SH3PXD2B: variants seen among roughly 807,000 people sequenced by gnomAD.
The protein encoded by SH3PXD2B is SH3 and PX domain-containing protein 2B.
A neutral mutation model predicts 73.1 loss-of-function variants in SH3PXD2B; 37 were observed. The observed-to-expected ratio is 0.51, with a 90% CI of 0.39 to 0.67. The LOEUF (loss-of-function observed/expected upper bound fraction) is 0.67. SH3PXD2B is among the 30% of genes least tolerant of loss of function. The probability of loss-of-function intolerance (pLI) is 0.00; values close to 1 mark genes in which losing one functional copy is unlikely to be tolerated. For missense variants in SH3PXD2B, 1,053 were observed against 1,197.8 expected (o/e 0.88, Z 1.78); for synonymous variants, 457 against 480.5 (o/e 0.95, Z 0.64).
chr5:172,431,313 T>A (rs940003899), intron 1 of SH3PXD2B, among the ~76,000 whole-genome samples: 4 of 152,240 alleles, frequency 2.6e-5, no homozygotes, highest in Admixed American at 2.6e-4. Context: ...CCAGAAGAGC[T>A]GCAACCCGGA....
intron 3 of SH3PXD2B, among the ~76,000 whole-genome samples, chr5:172,400,005 C>A (rs116190170): frequency 0.061 from 9,240 of 152,190 alleles, 421 homozygotes; most frequent in African/African-American, 0.13. Flanking sequence ...TTAATGTTAC[C>A]ACGGGTGATA....
chr5:172,408,934 CATA>C (rs1452332052), intron 2 of SH3PXD2B, among the ~76,000 whole-genome samples: 5 of 152,108 alleles, frequency 3.3e-5, no homozygotes, highest in African/African-American at 1.2e-4. Context: ...TGTTGATTCA[CATA>C]ATATGTAGTG....
At chr5:172,409,614 C>T (rs1303411519) in intron 2 of SH3PXD2B, among the ~76,000 whole-genome samples, 1 of 152,170 alleles carries the variant, frequency 6.6e-6, no homozygotes, top group Non-Finnish European at 1.5e-5. Flanking sequence ...ATAATGTCCT[C>T]CAGTGGCATC....
chr5:172,373,418 C>T (rs921503551), intron 6 of SH3PXD2B, among the ~76,000 whole-genome samples: 6 of 152,202 alleles, frequency 3.9e-5, no homozygotes, highest in African/African-American at 7.2e-5. Flanking sequence ...ATTTAACTCC[C>T]GATAGCATGG....
At chr5:172,357,655 C>A (rs1191046693) in intron 8 of SH3PXD2B, among the ~76,000 whole-genome samples, 1 of 152,144 alleles carries the variant, frequency 6.6e-6, no homozygotes, top group Admixed American at 6.5e-5. Flanking sequence ...CCATGCACTA[C>A]ATCACGACCC....
chr5:172,438,785 T>C (rs1390366151), intron 1 of SH3PXD2B, among the ~76,000 whole-genome samples: 2 of 152,114 alleles, frequency 1.3e-5, no homozygotes, highest in Non-Finnish European at 2.9e-5. Context: ...CTTTGAGGTG[T>C]TGGAACTGTT....
chr5:172,404,163 G>A (rs1013328677), intron 3 of SH3PXD2B, among the ~76,000 whole-genome samples: 17 of 152,244 alleles, frequency 1.1e-4, no homozygotes, highest in East Asian at 7.7e-4. Context: ...AAACACATGC[G>A]CCCTGTCTCT....
chr5:172,383,577 G>A (rs547753999), intron 4 of SH3PXD2B, among the ~76,000 whole-genome samples: 2 of 152,238 alleles, frequency 1.3e-5, no homozygotes, highest in Non-Finnish European at 2.9e-5. Context: ...CCAGGGTAAT[G>A]AGGATGCAGA....
intron 11 of SH3PXD2B, 41 bp from the exon 12 acceptor site, chr5:172,346,302 C>T: frequency 6.2e-7 from 1 of 1,612,166 alleles, no homozygotes; most frequent in Non-Finnish European, 8.5e-7. Flanking sequence ...AGGCTAAGTG[C>T]ACTCCTGCGA....
intron 1 of SH3PXD2B, among the ~76,000 whole-genome samples, chr5:172,441,656 C>G (rs144831131): frequency 6.6e-6 from 1 of 152,078 alleles, no homozygotes; most frequent in Non-Finnish European, 1.5e-5. Flanking sequence ...GAAGGGTTGC[C>G]GAGAAACAGG....
intron 1 of SH3PXD2B, among the ~76,000 whole-genome samples, chr5:172,423,544 T>C (rs1759021420): frequency 1.3e-5 from 1 of 75,096 alleles, no homozygotes. Context: ...GGATACGGGG[T>C]TGGGGGGGGG....
At chr5:172,408,646 C>A (rs1366599865) in intron 2 of SH3PXD2B, among the ~76,000 whole-genome samples, 2 of 141,040 alleles carry the variant, frequency 1.4e-5, no homozygotes, top group Non-Finnish European at 3.0e-5. Context: ...TCAAGAAATT[C>A]TCCTGCCTCA....
intron 6 of SH3PXD2B, among the ~76,000 whole-genome samples, chr5:172,364,381 T>C (rs905975350): frequency 6.6e-6 from 1 of 152,144 alleles, no homozygotes; most frequent in African/African-American, 2.4e-5. Flanking sequence ...ATACACCCAA[T>C]TGGCCAGGCG....
intron 1 of SH3PXD2B, among the ~76,000 whole-genome samples, chr5:172,425,600 A>G (rs971069441): frequency 6.6e-6 from 1 of 151,930 alleles, no homozygotes; most frequent in Non-Finnish European, 1.5e-5. Flanking sequence ...GACAGCTGAC[A>G]GTGCTGCGGG....
chr5:172,442,686 C>T (rs1054037631), intron 1 of SH3PXD2B, among the ~76,000 whole-genome samples: 6 of 152,182 alleles, frequency 3.9e-5, no homozygotes, highest in Non-Finnish European at 7.3e-5. Context: ...TCAAAATGCA[C>T]ATCACTAGTC....
chr5:172,439,692 G>GCACGCACACA (rs1554087698), intron 1 of SH3PXD2B, among the ~76,000 whole-genome samples: 1 of 138,542 alleles, frequency 7.2e-6, no homozygotes, highest in African/African-American at 2.8e-5. Context: ...GCACGCGCGC[G>GCACGCACACA]CACACACACA....
At chr5:172,373,649 C>T in intron 6 of SH3PXD2B, 141 bp downstream of exon 6, 1 of 925,618 alleles carries the variant, frequency 1.1e-6, no homozygotes. Context: ...CCCCTCCTTC[C>T]CTTCCCTCCC....
At chr5:172,374,660 G>A (rs1337683232) in intron 5 of SH3PXD2B, among the ~76,000 whole-genome samples, 4 of 152,196 alleles carry the variant, frequency 2.6e-5, no homozygotes, top group Non-Finnish European at 2.9e-5. Context: ...TAGCCTGGGT[G>A]ACAGAGCAAG....
At chr5:172,331,501 A>G (rs17074639), downstream of SH3PXD2B, among the ~76,000 whole-genome samples, 18,617 of 152,286 alleles carry the variant, frequency 0.12, 1,214 homozygotes, top group East Asian at 0.19. Flanking sequence ...TGGCCCAAAT[A>G]ATACTGAATG....
Sources: allele counts gnomAD v4.1 joint callset (sites outside exome capture counted in the v4.1 genomes callset), GRCh38; gene constraint gnomAD v4.1.1; transcripts MANE v1.5; gene names NCBI Gene and HGNC (gene_info 2026-07-23, HGNC 2026-07-21).